TNPO3: variants seen among roughly 807,000 people sequenced by gnomAD.
The protein encoded by TNPO3 is transportin 3.
TNPO3 carries 65 observed loss-of-function variants against 122.8 expected under a neutral mutation model. The ratio of observed to expected loss-of-function variants is 0.53; its 90% CI spans 0.43 to 0.65. TNPO3 has a LOEUF of 0.65. Among genes scored for constraint, TNPO3 ranks in the 30% least tolerant of loss-of-function variants. The probability of loss-of-function intolerance (pLI) is 0.00; values close to 1 mark genes in which losing one functional copy is unlikely to be tolerated. For synonymous variants in TNPO3, 372 were observed against 411.2 expected (o/e 0.90, Z 1.15); for missense variants, 850 against 1,136.7 (o/e 0.75, Z 3.63).
intron 9 of TNPO3, among the ~76,000 whole-genome samples, chr7:128,992,841 A>G (rs1800891444): frequency 6.6e-6 from 1 of 152,100 alleles, no homozygotes; most frequent in South Asian, 2.1e-4. Context: ...TGTTCCACAG[A>G]CTATATCTTG....
chr7:129,056,154 A>G, upstream of TNPO3: 2 of 938,480 alleles, frequency 2.1e-6, no homozygotes, highest in Non-Finnish European at 1.8e-6. Flanking sequence ...TGCTCTCGCC[A>G]CTGCGTATAA....
At chr7:128,964,769 G>C (rs552813747) in intron 21 of TNPO3, among the ~76,000 whole-genome samples, 11 of 152,214 alleles carry the variant, frequency 7.2e-5, no homozygotes, top group African/African-American at 2.6e-4. Flanking sequence ...ATAGAACAGG[G>C]AGCCCATTAA....
At chr7:128,980,505 G>A (rs1157345761) in intron 14 of TNPO3, among the ~76,000 whole-genome samples, 1 of 152,086 alleles carries the variant, frequency 6.6e-6, no homozygotes, top group Non-Finnish European at 1.5e-5. Context: ...CTACTTGGGA[G>A]GCTGGTGGTG....
At chr7:129,016,029 G>C (rs1225400466) in intron 3 of TNPO3, among the ~76,000 whole-genome samples, 1 of 152,082 alleles carries the variant, frequency 6.6e-6, no homozygotes, top group Non-Finnish European at 1.5e-5. Flanking sequence ...AGGTTGTAGT[G>C]AGCCATGACT....
In TNPO3 at chr7:129,019,269, C is replaced by T. The variant is rs539831710; in HGVS notation, c.121-1112G>A. Among the ~76,000 whole-genome samples, 165 of 152,286 alleles carry T rather than the reference C, an allele frequency of 1.1e-3. 1 individual carries two copies. Among genetic ancestry groups the T allele is most frequent in the Admixed American group, 4.7e-3 (72 of 15,294 alleles). The stretch of plus-strand genomic sequence containing the variant: ...AATTCTAATCCAATTCTACACTCAA[C>T]AGCCTCTGGAAGAAGACTAACATGG... On this transcript the variant is annotated intron_variant, in intron 1 of 22. Transcript: ENST00000265388.
chr7:129,035,950 CTTTTTT>C (rs71162551), intron 1 of TNPO3, among the ~76,000 whole-genome samples: 2 of 119,932 alleles, frequency 1.7e-5, no homozygotes, highest in African/African-American at 3.0e-5. Context: ...CTTTTCTTTT[CTTTTTT>C]TTTTTTTTTT....
In TNPO3 at chr7:128,960,348, T is replaced by A. The variant is rs961465542; in HGVS notation, c.2712-3033A>T. Among the ~76,000 whole-genome samples the A allele has an allele frequency of 5.2e-4, 79 of 151,960 alleles. 1 individual carries two copies. The highest frequency in any genetic ancestry group is 1.7e-3 in the African/African-American group (72 of 41,456). On this transcript the variant is annotated intron_variant, in intron 21 of 22. Transcript: ENST00000265388. ...TCCTTCTACTTACAAAAAAAAAAAA[T>A]TTACTGTAAAACAGCCTCAGGCAGG...
At position 128,982,124 on chromosome 7, in the gene TNPO3, A is replaced by G. The variant is rs546126373; in HGVS notation, c.1859+124T>C. The G allele has an allele frequency of 5.5e-6, 4 of 721,976 alleles. No individual in the cohort carries two copies. The South Asian group carries it at 7.5e-5, about 14-fold the overall frequency. The allele number at this position is 721,976 out of a possible 1,614,324, so 44.7% of individuals were successfully genotyped here. ...CAGAACTTCAGGTAACAGCTGGCTT[A>G]ATTAGTCTCCAAACATAGGGAGATA... On this transcript the variant is annotated intron_variant, in intron 14 of 22. Coordinates refer to ENST00000265388, the MANE Select transcript of TNPO3 (RefSeq NM_012470.4).
At chr7:128,982,649 G>T (rs1563092869) in intron 13 of TNPO3, among the ~76,000 whole-genome samples, 1 of 151,672 alleles carries the variant, frequency 6.6e-6, no homozygotes, top group East Asian at 1.9e-4. Flanking sequence ...AATATAGATT[G>T]TATATATGTT....
intron 21 of TNPO3, among the ~76,000 whole-genome samples, chr7:128,964,558 A>G (rs1797764382): frequency 6.6e-6 from 1 of 152,002 alleles, no homozygotes; most frequent in Non-Finnish European, 1.5e-5. Context: ...GATGGTCTCA[A>G]TCTCCTGACC....
chr7:128,974,128 C>G (rs1366734691), intron 18 of TNPO3, among the ~76,000 whole-genome samples: 4 of 151,636 alleles, frequency 2.6e-5, no homozygotes, highest in African/African-American at 9.7e-5. Context: ...GAGCCGAGAT[C>G]ATGCCATTGC....
intron 12 of TNPO3, among the ~76,000 whole-genome samples, chr7:128,986,353 T>C (rs1472073175): frequency 6.6e-6 from 1 of 152,228 alleles, no homozygotes; most frequent in African/African-American, 2.4e-5. Flanking sequence ...CTCATGGCAC[T>C]GATCCATGTA....
chr7:129,046,400 T>C (rs2150555978), intron 1 of TNPO3, among the ~76,000 whole-genome samples: 1 of 152,218 alleles, frequency 6.6e-6, no homozygotes, highest in Non-Finnish European at 1.5e-5. Context: ...ACTGAACTCA[T>C]CTACTGAAGT....
chr7:128,956,054 A>C lies in TNPO3; in HGVS notation c.*32-669T>G, dbSNP rs571308882. On this transcript the variant is annotated intron_variant, in intron 22 of 22. Transcript: ENST00000265388. ...CAGTGCCCTGACACACAGTAAGGGC[A>C]CAATAAAAGTTAACCATGAACACCT... 2.0e-5 allele frequency among the ~76,000 whole-genome samples: 3 copies of C among 152,360 alleles called. No homozygotes were observed. In the South Asian group the frequency reaches 6.2e-4, roughly 32 times the overall value.
At chr7:128,965,287 T>A (rs143431530) in intron 21 of TNPO3, among the ~76,000 whole-genome samples, 19 of 152,224 alleles carry the variant, frequency 1.2e-4, no homozygotes, top group African/African-American at 4.3e-4. Flanking sequence ...AATAGACATT[T>A]CTCCAAGAAG....
intron 1 of TNPO3, among the ~76,000 whole-genome samples, chr7:129,039,876 TCTAC>T (rs1408581794): frequency 6.6e-6 from 1 of 152,084 alleles, no homozygotes; most frequent in Non-Finnish European, 1.5e-5. Context: ...TAGGCAAAAC[TCTAC>T]AGACAGAAAG....
intron 2 of TNPO3, 150 bp from the exon 3 acceptor site, chr7:129,017,206 T>C (rs569974189): frequency 2.0e-5 from 14 of 710,326 alleles, no homozygotes; most frequent in South Asian, 1.1e-4. Context: ...TCCAATTCTA[T>C]ACATCTGATG....
chr7:129,053,376 T>C (rs1809030768), intron 1 of TNPO3, among the ~76,000 whole-genome samples: 1 of 149,606 alleles, frequency 6.7e-6, no homozygotes, highest in Non-Finnish European at 1.5e-5. Context: ...GCACCTGTAA[T>C]CCCAGCTACT....
intron 21 of TNPO3, among the ~76,000 whole-genome samples, chr7:128,964,551 G>A (rs907263994): frequency 7.2e-5 from 11 of 152,008 alleles, no homozygotes; most frequent in Admixed American, 7.2e-4. Context: ...TAGCCAGGAT[G>A]GTCTCAATCT....
Sources: allele counts gnomAD v4.1 joint callset (sites outside exome capture counted in the v4.1 genomes callset), GRCh38; gene constraint gnomAD v4.1.1; transcripts MANE v1.5; gene names NCBI Gene and HGNC (gene_info 2026-07-23, HGNC 2026-07-21).